MINDY4: variants seen among roughly 807,000 people sequenced by gnomAD.
The protein encoded by MINDY4 is MINDY lysine 48 deubiquitinase 4.
MINDY4 carries 68 observed loss-of-function variants against 87.0 expected under a neutral mutation model. That is an observed-to-expected ratio of 0.78 (90% CI 0.64 to 0.96). The LOEUF is 0.96. MINDY4 is among the 40% of genes least tolerant of loss of function. The pLI, the probability that MINDY4 is intolerant of heterozygous loss-of-function variation, is 0.00. For missense variants in MINDY4, 919 were observed against 928.2 expected (o/e 0.99, Z 0.13); for synonymous variants, 379 against 363.2 (o/e 1.04, Z -0.50).
At chr7:30,848,443 A>G (rs988021523) in intron 9 of MINDY4, among the ~76,000 whole-genome samples, 3 of 152,198 alleles carry the variant, frequency 2.0e-5, no homozygotes, top group East Asian at 1.9e-4. Flanking sequence ...TTGACAGTAC[A>G]TGGCCATCAT....
chr7:30,823,151 T>C (rs184140366), intron 5 of MINDY4, among the ~76,000 whole-genome samples: 3 of 152,342 alleles, frequency 2.0e-5, no homozygotes, highest in Admixed American at 6.5e-5. Flanking sequence ...TTTATTTTGA[T>C]GATGCTAAGT....
intron 2 of MINDY4, 124 bp downstream of exon 2, chr7:30,778,675 A>G (rs1786903396): frequency 8.4e-7 from 1 of 1,192,488 alleles, no homozygotes; most frequent in East Asian, 2.4e-5. Context: ...ACTTGCGGTC[A>G]GAGAGAAACG....
chr7:30,846,514 A>ATCCT (rs1789223349), intron 9 of MINDY4, among the ~76,000 whole-genome samples: 1 of 152,150 alleles, frequency 6.6e-6, no homozygotes, highest in South Asian at 2.1e-4. Flanking sequence ...TCCTGGGAGG[A>ATCCT]GTCTGACTGA....
At chr7:30,782,371 T>TGC (rs1491069488) in intron 3 of MINDY4, among the ~76,000 whole-genome samples, 159 bp downstream of exon 3, 6 of 148,576 alleles carry the variant, frequency 4.0e-5, no homozygotes, top group Non-Finnish European at 7.4e-5. Flanking sequence ...TGTGTGTGTG[T>TGC]GCATGTATCT....
chr7:30,838,904 C>T (rs1220690043), intron 7 of MINDY4, among the ~76,000 whole-genome samples: 1 of 152,206 alleles, frequency 6.6e-6, no homozygotes, highest in East Asian at 1.9e-4. Flanking sequence ...CCTTGCAAAT[C>T]TAAAATTTTG....
chr7:30,860,181 G>A (rs1459465244), intron 13 of MINDY4, among the ~76,000 whole-genome samples: 2 of 152,138 alleles, frequency 1.3e-5, no homozygotes, highest in African/African-American at 4.8e-5. Flanking sequence ...TGGGAAGTGG[G>A]GAGGCAGGGT....
intron 2 of MINDY4, among the ~76,000 whole-genome samples, chr7:30,779,222 G>A (rs1031204312): frequency 6.6e-6 from 1 of 152,118 alleles, no homozygotes; most frequent in Non-Finnish European, 1.5e-5. Flanking sequence ...TCTGCCCCCC[G>A]CCAATACCTT....
At chr7:30,779,024 C>A (rs1340296948) in intron 2 of MINDY4, among the ~76,000 whole-genome samples, 2 of 152,116 alleles carry the variant, frequency 1.3e-5, no homozygotes, top group Admixed American at 6.5e-5. Flanking sequence ...GTTCAGCTAA[C>A]CCAGGTGCAT....
chr7:30,858,533 T>A (rs1284800646), intron 12 of MINDY4: 1 of 152,060 alleles, frequency 6.6e-6, no homozygotes, highest in Non-Finnish European at 1.5e-5. Context: ...TCACTTTGGA[T>A]GCAAAATCTA....
At chr7:30,780,718 A>G (rs897622247) in intron 2 of MINDY4, 9 of 152,196 alleles carry the variant, frequency 5.9e-5, no homozygotes, top group African/African-American at 2.2e-4. Flanking sequence ...GAGATTTTGA[A>G]AAACAATATC....
intron 3 of MINDY4, among the ~76,000 whole-genome samples, chr7:30,783,258 T>C (rs1307711542): frequency 6.6e-6 from 1 of 152,178 alleles, no homozygotes; most frequent in Non-Finnish European, 1.5e-5. Context: ...GACATCACTC[T>C]AGCCTCTGCT....
At position 30,796,495 on chromosome 7, in the gene MINDY4, T is replaced by A. The variant is rs1038365811; in HGVS notation, c.1073+4921T>A. ...GCAATTGAAGTCTAATTTAGACTTT[T>A]AAAAAAGATTTTAAATTAAGCATTT... On this transcript the variant is annotated intron_variant, in intron 5 of 17. Transcript: ENST00000265299. 2.0e-5 allele frequency among the ~76,000 whole-genome samples: 3 copies of A among 152,242 alleles called. 1 individual carries two copies. The highest frequency in any genetic ancestry group is 1.3e-4 in the Admixed American group (2 of 15,286).
intron 14 of MINDY4, among the ~76,000 whole-genome samples, chr7:30,873,878 C>CAAATTCTTGTGTCTCATTTCCTCT (rs1384085215): frequency 2.6e-5 from 4 of 152,198 alleles, no homozygotes; most frequent in African/African-American, 4.8e-5. Context: ...ACATTTCCTC[C>CAAATTCTTGTGTCTCATTTCCTCT]AAATTCTTGT....
chr7:30,865,426 G>A (rs1029632109), intron 13 of MINDY4, among the ~76,000 whole-genome samples: 1 of 152,240 alleles, frequency 6.6e-6, no homozygotes, highest in Admixed American at 6.5e-5. Flanking sequence ...ACCCACGGGG[G>A]CATGGATGCC....
At chr7:30,874,265 G>A (rs1206623654) in intron 14 of MINDY4, among the ~76,000 whole-genome samples, 2 of 152,248 alleles carry the variant, frequency 1.3e-5, no homozygotes, top group Non-Finnish European at 2.9e-5. Flanking sequence ...GGCCCTTAGA[G>A]GCCACCCTTC....
chr7:30,825,724 T>C (rs1197639473), intron 5 of MINDY4, among the ~76,000 whole-genome samples: 1 of 152,254 alleles, frequency 6.6e-6, no homozygotes, highest in Non-Finnish European at 1.5e-5. Context: ...GGCTACATGC[T>C]GGACACCTGG....
chr7:30,848,563 C>T (rs561408229), intron 9 of MINDY4, among the ~76,000 whole-genome samples: 2 of 152,296 alleles, frequency 1.3e-5, no homozygotes, highest in South Asian at 2.1e-4. Context: ...CTTTCCAGGG[C>T]CCCCTTAGTC....
At chr7:30,818,061 G>A (rs890702989) in intron 5 of MINDY4, among the ~76,000 whole-genome samples, 15 of 152,178 alleles carry the variant, frequency 9.9e-5, no homozygotes, top group Admixed American at 2.0e-4. Flanking sequence ...ATGCCTCAGC[G>A]TTAGGTAGGA....
intron 7 of MINDY4, among the ~76,000 whole-genome samples, chr7:30,838,396 G>A (rs1788927862): frequency 1.3e-5 from 2 of 152,156 alleles, no homozygotes; most frequent in Admixed American, 6.5e-5. Context: ...ACCACTCATG[G>A]GCGGCATCAC....
Sources: allele counts gnomAD v4.1 joint callset (sites outside exome capture counted in the v4.1 genomes callset), GRCh38; gene constraint gnomAD v4.1.1; transcripts MANE v1.5; gene names NCBI Gene and HGNC (gene_info 2026-07-23, HGNC 2026-07-21).